The following INO80 variants were observed in gnomAD, a reference collection of about 807,000 sequenced individuals.
The protein encoded by INO80 is chromatin-remodeling ATPase INO80.
A neutral mutation model predicts 203.4 loss-of-function variants in INO80; 20 were observed. The ratio of observed to expected loss-of-function variants is 0.10; its 90% confidence interval spans 0.07 to 0.14. INO80 has a LOEUF of 0.14. Among genes scored for constraint, INO80 ranks in the 10% least tolerant of loss-of-function variants. The pLI is 1.00. For synonymous variants in INO80, 726 were observed against 685.2 expected (o/e 1.06, Z -0.93); for missense variants, 1,419 against 1,914.4 (o/e 0.74, Z 4.83).
intron 5 of INO80, among the ~76,000 whole-genome samples, chr15:41,088,087 CTTTTTTTTTTTTTTTTTT>C (rs943111352): frequency 9.9e-6 from 1 of 101,082 alleles, no homozygotes; most frequent in South Asian, 3.2e-4. Flanking sequence ...GCTTGCTTTT[CTTTTTTTTTTTTTTTTTT>C]TTTTGAGACA....
chr15:40,980,047 T>G lies in INO80; in HGVS notation c.*176A>C. Reference sequence around the variant, plus strand: ...CTACAGGCACCCCAGATGCTCCTGATGAGACACAGATGATAAAAGTGCTCA... The same window carrying G: ...CTACAGGCACCCCAGATGCTCCTGAGGAGACACAGATGATAAAAGTGCTCA... On this transcript the variant is annotated 3_prime_UTR_variant, in exon 36 of 36. Transcript: ENST00000648947. 1 of 620,852 alleles carries G rather than the reference T, an allele frequency of 1.6e-6. No homozygotes were observed. The highest frequency in any genetic ancestry group is 2.8e-6 in the Non-Finnish European group (1 of 350,888). The allele number at this position is 620,852 out of a possible 1,614,324, so 38.5% of individuals were successfully genotyped here. A position where few individuals can be genotyped will look rare whatever the true frequency, so the allele number is the denominator to read the frequency against.
At chr15:41,115,811 C>A (rs185408582) in intron 1 of INO80, among the ~76,000 whole-genome samples, 162 bp downstream of exon 1, 5 of 152,308 alleles carry the variant, frequency 3.3e-5, no homozygotes, top group Non-Finnish European at 5.9e-5. Context: ...CCCAACCCTG[C>A]GGGGAGTGTC....
chr15:41,100,704 A>T (rs573160202), intron 1 of INO80, among the ~76,000 whole-genome samples: 2 of 152,146 alleles, frequency 1.3e-5, no homozygotes, highest in Non-Finnish European at 2.9e-5. Flanking sequence ...TTAAGTGTTC[A>T]ATTTTTTTCT....
chr15:40,984,318 C>T lies in INO80; in HGVS notation c.3956G>A (p.Arg1319Lys), dbSNP rs773476415. Residue 1319 changes from arginine to lysine, a missense_variant, in exon 33 of 36, where the codon AGA becomes AAA. Around this residue, in one of 9 missense-constraint regions of INO80, gnomAD observed 214 missense variants for 248.9 expected, o/e 0.86. Coordinates refer to ENST00000648947, the MANE Select transcript of INO80 (RefSeq NM_017553.3). ...GATCACCAGGTTCACACCCTCTTTTCTCCTTTTCCCATCCAATTCATCTTC... is the reference window on the plus strand; with the variant it reads ...GATCACCAGGTTCACACCCTCTTTTTTCCTTTTCCCATCCAATTCATCTTC... Reference protein sequence around the residue: ...KKEDELDGKRRKEGVNLVIPF... With the variant: ...KKEDELDGKRKKEGVNLVIPF... 6.2e-7 allele frequency: 1 copy of T among 1,614,188 alleles called. No homozygotes were observed. Among genetic ancestry groups the T allele is most frequent in the East Asian group, 2.2e-5 (1 of 44,882 alleles).
At position 40,980,456 on chromosome 15, in the gene INO80, G is replaced by A. The variant is rs960367570; in HGVS notation, c.4454-16C>T. 3 of 1,599,694 alleles carry A rather than the reference G, an allele frequency of 1.9e-6. No homozygotes were observed. Among genetic ancestry groups the A allele is most frequent in the Admixed American group, 3.3e-5 (2 of 59,864 alleles). On this transcript the variant is annotated splice_polypyrimidine_tract_variant and intron_variant, in intron 35 of 35. Transcript: ENST00000648947. ...GCGGAGATTCCTGTGGGGACGGAGA[G>A]AGACAAGAACGTAAGCACCAGTCCC...
chr15:41,059,229 T>C (rs939913379), intron 15 of INO80, among the ~76,000 whole-genome samples: 7 of 150,788 alleles, frequency 4.6e-5, no homozygotes, highest in African/African-American at 1.7e-4. Flanking sequence ...CCCAAAATGC[T>C]GGGATTATAG....
intron 17 of INO80, among the ~76,000 whole-genome samples, chr15:41,055,945 G>GTTTT (rs5812185): frequency 7.8e-5 from 10 of 128,568 alleles, no homozygotes; most frequent in Admixed American, 1.7e-4. Context: ...TCTTCTTTTG[G>GTTTT]TTTTTTTTTT....
intron 16 of INO80, among the ~76,000 whole-genome samples, chr15:41,057,693 A>G (rs1176405941): frequency 2.7e-5 from 4 of 145,996 alleles, no homozygotes; most frequent in African/African-American, 7.6e-5. Context: ...GCTACTCGGG[A>G]GGCTGAGGCA....
intron 14 of INO80, among the ~76,000 whole-genome samples, chr15:41,068,158 G>A (rs1011458723): frequency 3.3e-5 from 5 of 152,028 alleles, no homozygotes; most frequent in Non-Finnish European, 4.4e-5. Flanking sequence ...TTGGTGGCTC[G>A]TGCCTGTAAT....
At chr15:40,986,987 T>G (rs2043744477) in intron 31 of INO80, 104 bp downstream of exon 31, 2 of 611,720 alleles carry the variant, frequency 3.3e-6, no homozygotes, top group East Asian at 5.6e-5. Flanking sequence ...AAAAATACTT[T>G]CCCTAAATAC....
At chr15:41,073,165 C>G (rs1230404552) in intron 11 of INO80, among the ~76,000 whole-genome samples, 1 of 152,112 alleles carries the variant, frequency 6.6e-6, no homozygotes, top group African/African-American at 2.4e-5. Flanking sequence ...AAAATACAAA[C>G]TGTTCTAACT....
At chr15:41,057,797 C>CAAAAAAAAAAAAA (rs35197370) in intron 16 of INO80, among the ~76,000 whole-genome samples, 35 of 29,088 alleles carry the variant, frequency 1.2e-3, no homozygotes, top group Non-Finnish European at 2.0e-3. Context: ...AACTACATCT[C>CAAAAAAAAAAAAA]AAAAAAAAAA....
At position 41,063,545 on chromosome 15, in the gene INO80, A is replaced by T. The variant is rs137982256; in HGVS notation, c.1783-3619T>A. ...TCCCAGCACTTTGGGAAGCTGAGGC[A>T]GGCGGATCACTTGAGGTCAGGAGTT... On this transcript the variant is annotated intron_variant, in intron 14 of 35. Transcript: ENST00000648947. Among the ~76,000 whole-genome samples the T allele has an allele frequency of 2.7e-3, 406 of 152,012 alleles. 1 individual carries two copies. Among genetic ancestry groups the T allele is most frequent in the African/African-American group, 9.1e-3 (377 of 41,474 alleles).
At chr15:41,090,550 T>C (rs574266156) in intron 5 of INO80, among the ~76,000 whole-genome samples, 308 of 152,152 alleles carry the variant, frequency 2.0e-3, no homozygotes, top group African/African-American at 6.8e-3. Context: ...CACTCCAGCC[T>C]GGGCAACAGA....
intron 1 of INO80, among the ~76,000 whole-genome samples, chr15:41,111,759 C>T (rs1184341383): frequency 1.3e-5 from 2 of 151,456 alleles, no homozygotes; most frequent in Non-Finnish European, 2.9e-5. Context: ...GCTGAGATCA[C>T]GCCACTGTAC....
intron 24 of INO80, among the ~76,000 whole-genome samples, chr15:41,037,999 C>CA (rs1411168347): frequency 6.7e-6 from 1 of 148,488 alleles, no homozygotes; most frequent in Non-Finnish European, 1.5e-5. Flanking sequence ...TCTCTTGCCC[C>CA]TCTTCCCTTT....
intron 25 of INO80, among the ~76,000 whole-genome samples, chr15:41,022,920 G>C (rs2044315852): frequency 6.6e-6 from 1 of 151,860 alleles, no homozygotes; most frequent in Admixed American, 6.6e-5. Flanking sequence ...GGCCAAGATG[G>C]CAAAACCCCA....
At chr15:41,018,262 A>C (rs952134460) in intron 26 of INO80, 1 of 152,194 alleles carries the variant, frequency 6.6e-6, no homozygotes, top group African/African-American at 2.4e-5. Flanking sequence ...TGCATATAAA[A>C]ATTTGTTTTA....
chr15:41,086,480 A>G (rs761044286), intron 6 of INO80, among the ~76,000 whole-genome samples: 18 of 151,932 alleles, frequency 1.2e-4, no homozygotes, highest in Non-Finnish European at 1.9e-4. Flanking sequence ...GTGAAACCCC[A>G]TCTCTACTAA....
Sources: gnomAD v4.1 joint callset for allele counts (sites outside exome capture counted in the v4.1 genomes callset) on GRCh38, gnomAD v4.1.1 for gene constraint, gnomAD v4.1.1 regional missense constraint, MANE v1.5 for transcripts, NCBI Gene and HGNC (gene_info 2026-07-23, HGNC 2026-07-21) for gene names.